Variants in ENTREP2 observed in about 807,000 individuals in gnomAD.
ENTREP2 encodes endosomal transmembrane epsin interactor 2.
chr15:29,480,238 T>C, the ENTREP2 span, among the ~76,000 whole-genome samples: 1 of 149,214 alleles, frequency 6.7e-6, no homozygotes, highest in African/African-American at 2.5e-5. Flanking sequence ...CTCAAAACAC[T>C]GCATTTCTTT....
At chr15:29,445,350 G>C in the ENTREP2 span, among the ~76,000 whole-genome samples, 1 of 152,140 alleles carries the variant, frequency 6.6e-6, no homozygotes, top group Non-Finnish European at 1.5e-5. Flanking sequence ...GATGGGGGCT[G>C]ATTGCCAAGT....
chr15:29,252,927 C>T, the ENTREP2 span, among the ~76,000 whole-genome samples: 12 of 152,188 alleles, frequency 7.9e-5, no homozygotes, highest in South Asian at 2.1e-4. Flanking sequence ...ATGTGTCCAT[C>T]ACCCAACATC....
At chr15:29,364,868 C>A in the ENTREP2 span, among the ~76,000 whole-genome samples, 3 of 152,162 alleles carry the variant, frequency 2.0e-5, no homozygotes, top group East Asian at 5.8e-4. Flanking sequence ...CTACCACCAG[C>A]CGCCAGCAGA....
At chr15:29,591,112 T>TA in the ENTREP2 span, among the ~76,000 whole-genome samples, 17 of 152,152 alleles carry the variant, frequency 1.1e-4, no homozygotes, top group South Asian at 2.1e-4. Flanking sequence ...CTGAAATATT[T>TA]AAAAAAACAC....
the ENTREP2 span, among the ~76,000 whole-genome samples, chr15:29,263,525 T>C: frequency 6.6e-6 from 1 of 152,196 alleles, no homozygotes; most frequent in African/African-American, 2.4e-5. Flanking sequence ...GTGGATGGTG[T>C]GGCAGAGAGG....
the ENTREP2 span, among the ~76,000 whole-genome samples, chr15:29,327,498 G>A: frequency 1.3e-5 from 2 of 151,940 alleles, no homozygotes; most frequent in Non-Finnish European, 2.9e-5. Context: ...AGGAGGCTGA[G>A]GCAGGAGAAT....
the ENTREP2 span, among the ~76,000 whole-genome samples, chr15:29,637,920 C>T: frequency 6.7e-6 from 1 of 149,102 alleles, no homozygotes; most frequent in South Asian, 2.1e-4. Context: ...TTCAGCCAAG[C>T]ACCTGAAGAT....
chr15:29,450,284 TGTC>T, the ENTREP2 span, among the ~76,000 whole-genome samples: 7 of 152,234 alleles, frequency 4.6e-5, no homozygotes, highest in African/African-American at 1.7e-4. Flanking sequence ...TTGGTGGTGT[TGTC>T]ATGAAATCTT....
chr15:29,637,729 T>C, the ENTREP2 span, among the ~76,000 whole-genome samples: 8 of 152,234 alleles, frequency 5.3e-5, no homozygotes, highest in South Asian at 1.7e-3. Flanking sequence ...GGTCATGGGA[T>C]GAGAGATCTA....
At chr15:29,577,609 C>T in the ENTREP2 span, among the ~76,000 whole-genome samples, 1 of 152,134 alleles carries the variant, frequency 6.6e-6, no homozygotes, top group Non-Finnish European at 1.5e-5. Flanking sequence ...CTGTCTTGGC[C>T]TCCTGAAGTG....
At chr15:29,644,917 A>C in the ENTREP2 span, among the ~76,000 whole-genome samples, 2 of 152,126 alleles carry the variant, frequency 1.3e-5, no homozygotes, top group Non-Finnish European at 2.9e-5. Flanking sequence ...AGTCAGAAGA[A>C]ATTGGGATCA....
At chr15:29,233,960 T>C in the ENTREP2 span, 4 of 1,534,958 alleles carry the variant, frequency 2.6e-6, no homozygotes, top group Non-Finnish European at 3.6e-6. Flanking sequence ...TTCACTCACT[T>C]CCAAATCAGG....
At chr15:29,442,804 C>T in the ENTREP2 span, among the ~76,000 whole-genome samples, 1 of 152,232 alleles carries the variant, frequency 6.6e-6, no homozygotes. Flanking sequence ...GCTGTTTGCA[C>T]TTGTCAGCAA....
the ENTREP2 span, among the ~76,000 whole-genome samples, chr15:29,644,047 CAACT>C: frequency 2.6e-5 from 4 of 152,204 alleles, no homozygotes; most frequent in East Asian, 1.9e-4. Context: ...AAATGTCCAC[CAACT>C]GATGTATGAA....
chr15:29,218,175 G>C, the ENTREP2 span, among the ~76,000 whole-genome samples: 1 of 152,156 alleles, frequency 6.6e-6, no homozygotes, highest in African/African-American at 2.4e-5. Context: ...TGGACTATGT[G>C]AGGGTTCTTA....
the ENTREP2 span, among the ~76,000 whole-genome samples, chr15:29,495,211 T>C: frequency 6.6e-6 from 1 of 152,188 alleles, no homozygotes. Flanking sequence ...TTGTTATCTG[T>C]TGGTACTTTG....
chr15:29,556,326 T>C, the ENTREP2 span, among the ~76,000 whole-genome samples: 1 of 152,150 alleles, frequency 6.6e-6, no homozygotes, highest in East Asian at 1.9e-4. Flanking sequence ...CTAGCTCTCC[T>C]AAGCCACAGT....
chr15:29,524,029 G>T, the ENTREP2 span, among the ~76,000 whole-genome samples: 1,780 of 152,104 alleles, frequency 0.012, 28 homozygotes, highest in African/African-American at 0.041. Context: ...AAAAATAGAT[G>T]GGATATCATC....
chr15:29,261,155 G>A, the ENTREP2 span, among the ~76,000 whole-genome samples: 1 of 152,148 alleles, frequency 6.6e-6, no homozygotes, highest in East Asian at 1.9e-4. Context: ...GGGGAGGACT[G>A]CTTGTGGTAA....
Sources: gnomAD v4.1 joint callset for allele counts (sites outside exome capture counted in the v4.1 genomes callset) on GRCh38, gnomAD v4.1.1 for gene constraint, MANE v1.5 for transcripts, NCBI Gene and HGNC (gene_info 2026-07-23, HGNC 2026-07-21) for gene names.